Variants in BORCS5 observed in about 807,000 individuals in gnomAD.
BORCS5 encodes the protein BLOC-1 related complex subunit 5.
BORCS5 carries 17 observed loss-of-function variants against 22.1 expected under a neutral mutation model. The ratio of observed to expected loss-of-function variants is 0.77; its 90% CI spans 0.53 to 1.15. The LOEUF (loss-of-function observed/expected upper bound fraction) is 1.15, where lower values mean the gene tolerates loss of function less well. BORCS5 is among the 50% of genes most tolerant of loss of function. BORCS5 has a pLI of 0.00. For synonymous variants in BORCS5, 117 were observed against 99.8 expected, an observed-to-expected ratio of 1.17 and a Z score of -1.03; for missense variants, 247 against 253.2, an observed-to-expected ratio of 0.98 and a Z score of 0.17.
intron 1 of BORCS5, among the ~76,000 whole-genome samples, chr12:12,358,883 GAAAT>G (rs1217537687): frequency 1.3e-5 from 2 of 152,124 alleles, no homozygotes; most frequent in Non-Finnish European, 2.9e-5. Flanking sequence ...TTCTTGAAAA[GAAAT>G]AAAAGCAGCA....
At chr12:12,407,267 T>A (rs1009025138) in intron 2 of BORCS5, among the ~76,000 whole-genome samples, 2 of 152,172 alleles carry the variant, frequency 1.3e-5, no homozygotes, top group Non-Finnish European at 2.9e-5. Context: ...AACATAAAAT[T>A]TTCAGAGTTT....
At chr12:12,450,943 A>T (rs979655719) in intron 3 of BORCS5, among the ~76,000 whole-genome samples, 1 of 152,230 alleles carries the variant, frequency 6.6e-6, no homozygotes, top group African/African-American at 2.4e-5. Context: ...TTATTACAAT[A>T]ATTAAAATAA....
At chr12:12,437,436 A>G (rs940392035) in intron 3 of BORCS5, among the ~76,000 whole-genome samples, 2 of 152,256 alleles carry the variant, frequency 1.3e-5, no homozygotes, top group African/African-American at 2.4e-5. Flanking sequence ...AGACTAATAC[A>G]TAAGTTTACC....
At chr12:12,462,773 C>T (rs1370023986) in intron 3 of BORCS5, among the ~76,000 whole-genome samples, 1 of 152,198 alleles carries the variant, frequency 6.6e-6, no homozygotes, top group Non-Finnish European at 1.5e-5. Context: ...TCTCCTGCCT[C>T]AGCCTCCCAA....
At chr12:12,401,841 G>A (rs940477099) in intron 2 of BORCS5, among the ~76,000 whole-genome samples, 5 of 151,888 alleles carry the variant, frequency 3.3e-5, no homozygotes, top group African/African-American at 4.8e-5. Flanking sequence ...GGCGGATCAC[G>A]AGGTCAGAAG....
intron 2 of BORCS5, among the ~76,000 whole-genome samples, chr12:12,362,247 A>G (rs1863302597): frequency 6.6e-6 from 1 of 152,204 alleles, no homozygotes; most frequent in Admixed American, 6.5e-5. Flanking sequence ...GGCAGCTGGC[A>G]TACACAGAGG....
At chr12:12,438,382 G>GAAATAA in intron 3 of BORCS5, among the ~76,000 whole-genome samples, 1 of 106,986 alleles carries the variant, frequency 9.3e-6, no homozygotes, top group African/African-American at 5.5e-5. Flanking sequence ...AAAAAAAAAC[G>GAAATAA]AAAAACAACA....
intron 2 of BORCS5, among the ~76,000 whole-genome samples, chr12:12,397,587 CTT>C (rs1318477336): frequency 6.6e-6 from 1 of 152,170 alleles, no homozygotes; most frequent in Non-Finnish European, 1.5e-5. Context: ...TTAAAGAAGA[CTT>C]TGATGAGAGA....
chr12:12,379,311 C>T lies in BORCS5; in HGVS notation c.202+17962C>T, dbSNP rs1450321275. On this transcript the variant is annotated intron_variant, in intron 2 of 3. Coordinates refer to ENST00000314565, the MANE Select transcript of BORCS5 (RefSeq NM_058169.6). ...AATTTTTGTATCTTTAGTATGGTTT[C>T]ACCATGTTAGCCGGGCTGGTCTTGA... Among the ~76,000 whole-genome samples the T allele has an allele frequency of 1.3e-5, 2 of 150,672 alleles. 1 individual carries two copies. Among genetic ancestry groups the T allele is most frequent in the East Asian group, 3.9e-4 (2 of 5,160 alleles).
Position 12,438,371 on chromosome 12 carries a change from A to AC in BORCS5, c.360+2586_360+2587insC, listed in dbSNP as rs1304928979. Among the ~76,000 whole-genome samples, 187 of 117,080 alleles carry AC rather than the reference A, an allele frequency of 1.6e-3. 3 individuals carry two copies. Among genetic ancestry groups the AC allele is most frequent in the Non-Finnish European group, 2.6e-3 (149 of 57,766 alleles). The allele number at this position is 117,080 out of a possible 152,430, so 76.8% of individuals were successfully genotyped here. A position where few individuals can be genotyped will look rare whatever the true frequency, so the allele number is the denominator to read the frequency against. ...GCCAGATTTCATCTCAAAAAAAAAA[A>AC]AAAAAAAAACGAAAAACAACAACAA... On this transcript the variant is annotated intron_variant, in intron 3 of 3. Transcript: ENST00000314565.
At chr12:12,399,236 C>T (rs1407427432) in intron 2 of BORCS5, among the ~76,000 whole-genome samples, 1 of 152,014 alleles carries the variant, frequency 6.6e-6, no homozygotes, top group Middle Eastern at 3.2e-3. Context: ...CCTATTCACT[C>T]CTCAGAGTGA....
intron 3 of BORCS5, among the ~76,000 whole-genome samples, chr12:12,459,628 C>G (rs530513722): frequency 6.6e-6 from 1 of 152,152 alleles, no homozygotes; most frequent in Non-Finnish European, 1.5e-5. Context: ...AAAGATTTTT[C>G]TCCTATATTT....
At position 12,449,005 on chromosome 12, in the gene BORCS5, G is replaced by A. The variant is rs773511957; in HGVS notation, c.360+13220G>A. The stretch of plus-strand genomic sequence containing the variant: ...AACCACACTTTAAAATAGCCCTGAA[G>A]ACCCCACATTTACGTTCTTGAAGTG... On this transcript the variant is annotated intron_variant, in intron 3 of 3. Coordinates refer to ENST00000314565, the MANE Select transcript of BORCS5 (RefSeq NM_058169.6). Among the ~76,000 whole-genome samples, 9 of 152,332 alleles carry A rather than the reference G, an allele frequency of 5.9e-5. No individual in the cohort carries two copies. The Middle Eastern group carries it at 0.01, about 173-fold the overall frequency.
chr12:12,367,002 C>T (rs1423302935), intron 2 of BORCS5, among the ~76,000 whole-genome samples: 1 of 151,810 alleles, frequency 6.6e-6, no homozygotes, highest in Non-Finnish European at 1.5e-5. Context: ...TACTAAGCAG[C>T]TTTGTTGGGA....
At position 12,443,006 on chromosome 12, in the gene BORCS5, C is replaced by T. The variant is rs190172025; in HGVS notation, c.360+7221C>T. Among the ~76,000 whole-genome samples the T allele has an allele frequency of 1.6e-3, 243 of 152,254 alleles. 1 individual carries two copies. The highest frequency in any genetic ancestry group is 5.4e-3 in the African/African-American group (224 of 41,540). On this transcript the variant is annotated intron_variant, in intron 3 of 3. Transcript: ENST00000314565. Reference sequence around the variant, plus strand: ...CTGATCCAGATTAAATGAGTAGTTCCGAGTGTTGCACAGAGCATCACTGTC... The same window carrying T: ...CTGATCCAGATTAAATGAGTAGTTCTGAGTGTTGCACAGAGCATCACTGTC...
At chr12:12,434,114 C>T (rs561255637) in intron 2 of BORCS5, among the ~76,000 whole-genome samples, 1 of 151,978 alleles carries the variant, frequency 6.6e-6, no homozygotes, top group African/African-American at 2.4e-5. Flanking sequence ...AAAACCCTGT[C>T]TCTACTAAAA....
intron 2 of BORCS5, among the ~76,000 whole-genome samples, chr12:12,430,656 A>G (rs1942399286): frequency 6.6e-6 from 1 of 152,132 alleles, no homozygotes; most frequent in Admixed American, 6.5e-5. Context: ...AAATGCATTC[A>G]TTTGGTTAAA....
intron 1 of BORCS5, 30 bp downstream of exon 1, chr12:12,357,539 A>C (rs1863171388): frequency 2.5e-6 from 4 of 1,595,676 alleles, no homozygotes; most frequent in Non-Finnish European, 2.6e-6. Flanking sequence ...ACCCTCCTCC[A>C]GCCCGCCCTG....
intron 2 of BORCS5, among the ~76,000 whole-genome samples, chr12:12,397,272 C>T (rs1010939530): frequency 2.6e-5 from 4 of 152,112 alleles, no homozygotes; most frequent in African/African-American, 9.7e-5. Flanking sequence ...ACTGATTCCC[C>T]TAGGGTGACA....
Sources: allele counts gnomAD v4.1 joint callset (sites outside exome capture counted in the v4.1 genomes callset), GRCh38; gene constraint gnomAD v4.1.1; transcripts MANE v1.5; gene names NCBI Gene and HGNC (gene_info 2026-07-23, HGNC 2026-07-21).